Variants in MTA3 observed in about 807,000 individuals in gnomAD.
MTA3 encodes metastasis associated 1 family member 3.
A neutral mutation model predicts 83.5 loss-of-function variants in MTA3; 34 were observed. The observed-to-expected ratio is 0.41, with a 90% CI of 0.31 to 0.54. The LOEUF (loss-of-function observed/expected upper bound fraction) is 0.54, where lower values mean the gene tolerates loss of function less well. Among genes scored for constraint, MTA3 ranks in the 20% least tolerant of loss-of-function variants. The pLI is 0.33. For synonymous variants in MTA3, 303 were observed against 252.7 expected (o/e 1.20, Z -1.89); for missense variants, 761 against 726.4 (o/e 1.05, Z -0.55).
chr2:42,586,003 G>T (rs1038977142), intron 3 of MTA3, among the ~76,000 whole-genome samples: 4 of 151,932 alleles, frequency 2.6e-5, no homozygotes, highest in Non-Finnish European at 4.4e-5. Context: ...AAAATTTAGG[G>T]CCAGGCGCAG....
At chr2:42,694,152 C>G (rs1693162239) in intron 9 of MTA3, among the ~76,000 whole-genome samples, 1 of 152,150 alleles carries the variant, frequency 6.6e-6, no homozygotes, top group African/African-American at 2.4e-5. Flanking sequence ...GTCCTCTTTA[C>G]TCTTCACTTT....
chr2:42,607,105 G>GAGGT (rs1308565282), intron 3 of MTA3, among the ~76,000 whole-genome samples: 316 of 151,836 alleles, frequency 2.1e-3, no homozygotes, highest in Non-Finnish European at 2.9e-3. Flanking sequence ...GGTAGAGGTA[G>GAGGT]AGGTAGAGGT....
intron 12 of MTA3, among the ~76,000 whole-genome samples, chr2:42,705,573 GCA>G (rs1666008370): frequency 6.6e-6 from 1 of 152,134 alleles, no homozygotes; most frequent in Non-Finnish European, 1.5e-5. Flanking sequence ...AGGCATGGTG[GCA>G]TGCACCTGTA....
chr2:42,504,677 T>G (rs1674548904), intron 2 of MTA3, among the ~76,000 whole-genome samples: 1 of 151,874 alleles, frequency 6.6e-6, no homozygotes, highest in East Asian at 1.9e-4. Flanking sequence ...TTTTTTTTTT[T>G]GTAGAGATGT....
intron 2 of MTA3, among the ~76,000 whole-genome samples, chr2:42,558,111 G>C (rs13394593): frequency 0.075 from 11,406 of 151,964 alleles, 569 homozygotes; most frequent in Middle Eastern, 0.14. Context: ...TTGGCTTTTG[G>C]GACCGGTACT....
chr2:42,667,570 T>TTATGTG lies in MTA3; in HGVS notation c.702+7709_702+7710insATGTGT, dbSNP rs770325715. On this transcript the variant is annotated intron_variant, in intron 8 of 16. Coordinates refer to ENST00000405094, the MANE Select transcript of MTA3 (RefSeq NM_001330442.2). ...TGTCAGAATTTCCATCATTTAAAAA[T>TTATGTG]TGTGTGTGTGTGTGTGTGTGTGTGT... 1.8e-3 allele frequency among the ~76,000 whole-genome samples: 266 copies of TTATGTG among 145,104 alleles called. 8 individuals carry two copies. Among genetic ancestry groups the TTATGTG allele is most frequent in the African/African-American group, 5.4e-3 (213 of 39,282 alleles).
At chr2:42,536,215 T>G (rs1250033593) in intron 2 of MTA3, among the ~76,000 whole-genome samples, 1 of 151,838 alleles carries the variant, frequency 6.6e-6, no homozygotes. Flanking sequence ...TGCTCACACC[T>G]GTAATCCCAG....
Position 42,507,021 on chromosome 2 carries a change from C to T in MTA3, c.-141+11767C>T, listed in dbSNP as rs565566086. On this transcript the variant is annotated intron_variant, in intron 2 of 17. Transcript: ENST00000405592. ...AGGCTCAAGTGGCTTCTTCTCTCTT[C>T]AGCCTCCCGAGTAGCTGGAGTAGCA... Among the ~76,000 whole-genome samples, 13 of 152,312 alleles carry T rather than the reference C, an allele frequency of 8.5e-5. No individual in the cohort carries two copies. The South Asian group carries it at 2.1e-3, about 24-fold the overall frequency.
chr2:42,653,937 A>G (rs1263363131), intron 6 of MTA3, among the ~76,000 whole-genome samples: 1 of 152,256 alleles, frequency 6.6e-6, no homozygotes, highest in East Asian at 1.9e-4. Context: ...TTTTAAAAAG[A>G]CACAGGCAGG....
At chr2:42,687,629 A>G (rs1390157567) in intron 9 of MTA3, among the ~76,000 whole-genome samples, 2 of 152,200 alleles carry the variant, frequency 1.3e-5, no homozygotes, top group Admixed American at 6.5e-5. Flanking sequence ...ATAAGAAACT[A>G]CCTTTGTTAG....
At chr2:42,686,285 C>G (rs1291906885) in intron 9 of MTA3, among the ~76,000 whole-genome samples, 1 of 152,164 alleles carries the variant, frequency 6.6e-6, no homozygotes, top group Non-Finnish European at 1.5e-5. Flanking sequence ...TAGCTTTATT[C>G]CGAAGCTTAA....
At chr2:42,528,373 C>T (rs1393587636) in intron 2 of MTA3, among the ~76,000 whole-genome samples, 2 of 152,074 alleles carry the variant, frequency 1.3e-5, no homozygotes, top group Admixed American at 6.6e-5. Context: ...GCACCTGCCA[C>T]CACACCCGGC....
intron 7 of MTA3, among the ~76,000 whole-genome samples, chr2:42,658,846 G>A (rs180799808): frequency 1.5e-4 from 23 of 151,866 alleles, no homozygotes; most frequent in Admixed American, 7.9e-4. Flanking sequence ...AGGCCGAGGC[G>A]GGAGGATCAC....
intron 4 of MTA3, among the ~76,000 whole-genome samples, chr2:42,609,966 G>T (rs750192953): frequency 1.3e-5 from 2 of 152,136 alleles, no homozygotes; most frequent in Non-Finnish European, 2.9e-5. Context: ...TGGGCGTGGT[G>T]GTATGCACCT....
intron 2 of MTA3, among the ~76,000 whole-genome samples, chr2:42,507,223 G>A (rs1276469928): frequency 6.6e-6 from 1 of 152,100 alleles, no homozygotes; most frequent in Non-Finnish European, 1.5e-5. Context: ...CCAGGCTGTA[G>A]TAGAGTGGCA....
intron 4 of MTA3, among the ~76,000 whole-genome samples, chr2:42,610,083 G>A: frequency 6.6e-6 from 1 of 152,186 alleles, no homozygotes; most frequent in East Asian, 1.9e-4. Flanking sequence ...CTGGATGACA[G>A]AGTGACACTC....
At chr2:42,675,914 C>T (rs1335263995) in intron 8 of MTA3, among the ~76,000 whole-genome samples, 1 of 152,216 alleles carries the variant, frequency 6.6e-6, no homozygotes, top group Non-Finnish European at 1.5e-5. Flanking sequence ...ATATGGACTT[C>T]TGGCACATAA....
chr2:42,706,740 C>T (rs1666123637), intron 12 of MTA3, among the ~76,000 whole-genome samples: 2 of 152,186 alleles, frequency 1.3e-5, no homozygotes, highest in South Asian at 4.1e-4. Context: ...AAAACAAAAA[C>T]TAACACAAGC....
chr2:42,654,400 C>T (rs1167329491), intron 6 of MTA3, among the ~76,000 whole-genome samples: 1 of 152,198 alleles, frequency 6.6e-6, no homozygotes, highest in East Asian at 1.9e-4. Flanking sequence ...GTTACAGATG[C>T]AGTGATCAAA....
Sources: gnomAD v4.1 joint callset for allele counts (sites outside exome capture counted in the v4.1 genomes callset) on GRCh38, gnomAD v4.1.1 for gene constraint, MANE v1.5 for transcripts, NCBI Gene and HGNC (gene_info 2026-07-23, HGNC 2026-07-21) for gene names.